ARIH1: variants seen among roughly 807,000 people sequenced by gnomAD.
ARIH1 encodes the protein E3 ubiquitin-protein ligase ARIH1.
In ARIH1, 8 loss-of-function variants were observed where a neutral mutation model predicts 85.0. That is an observed-to-expected ratio of 0.09 (90% CI 0.06 to 0.17). ARIH1 has a LOEUF of 0.17. Among genes scored for constraint, ARIH1 ranks in the 10% least tolerant of loss-of-function variants. The pLI, the probability that ARIH1 is intolerant of heterozygous loss-of-function variation, is 1.00. For missense variants in ARIH1, 311 were observed against 718.1 expected (o/e 0.43, Z 6.48); for synonymous variants, 238 against 253.6 (o/e 0.94, Z 0.59).
intron 7 of ARIH1, among the ~76,000 whole-genome samples, chr15:72,564,787 T>C (rs2064212166): frequency 6.6e-6 from 1 of 152,122 alleles, no homozygotes; most frequent in South Asian, 2.1e-4. Flanking sequence ...TTCTGGTTCA[T>C]AGATGGTGCC....
At chr15:72,501,966 G>A (rs992858310) in intron 1 of ARIH1, among the ~76,000 whole-genome samples, 3 of 152,126 alleles carry the variant, frequency 2.0e-5, no homozygotes, top group African/African-American at 4.8e-5. Flanking sequence ...GGAGTTTCAG[G>A]TAACGATAAA....
Position 72,597,891 on chromosome 15 carries a change from A to G in ARIH1, c.*14599A>G, listed in dbSNP as rs1302325705. ...AGTTCAACTAGGAATAACAACAGCT[A>G]GGGGGTCTCTTCTCTCCTATGAAGG... On this transcript the variant is annotated 3_prime_UTR_variant, in exon 14 of 14. Coordinates refer to ENST00000379887, the MANE Select transcript of ARIH1 (RefSeq NM_005744.5). 1.3e-5 allele frequency: 2 copies of G among 152,244 alleles called. No individual in the cohort carries two copies. Among genetic ancestry groups the G allele is most frequent in the South Asian group, 2.1e-4 (1 of 4,826 alleles). 9.4% of individuals were successfully genotyped at this position (152,244 alleles called of 1,614,324 possible). A position where few individuals can be genotyped will look rare whatever the true frequency, so the allele number is the denominator to read the frequency against.
intron 1 of ARIH1, among the ~76,000 whole-genome samples, chr15:72,505,556 A>C (rs1238905365): frequency 2.6e-5 from 4 of 152,128 alleles, no homozygotes; most frequent in Non-Finnish European, 5.9e-5. Context: ...AAATTCTTAT[A>C]CTTCTATACT....
intron 1 of ARIH1, among the ~76,000 whole-genome samples, chr15:72,496,312 A>G (rs1402461022): frequency 6.6e-6 from 1 of 152,242 alleles, no homozygotes; most frequent in Non-Finnish European, 1.5e-5. Context: ...ATGTGGTGCT[A>G]GCAAACGTTT....
At chr15:72,541,909 A>G (rs1201553582) in intron 2 of ARIH1, among the ~76,000 whole-genome samples, 1 of 152,244 alleles carries the variant, frequency 6.6e-6, no homozygotes, top group Admixed American at 6.5e-5. Context: ...AAAGGACTGC[A>G]GAGTAACAAT....
In ARIH1 at chr15:72,589,964, A is replaced by T. The variant is rs1421051126; in HGVS notation, c.*6672A>T. Reference sequence around the variant, plus strand: ...ATGTGCCACTGCTCCTAGCTCTTCCATCTCAGTCTTATGATGTAGTTACTA... The same window carrying T: ...ATGTGCCACTGCTCCTAGCTCTTCCTTCTCAGTCTTATGATGTAGTTACTA... On this transcript the variant is annotated 3_prime_UTR_variant, in exon 14 of 14. Coordinates refer to ENST00000379887, the MANE Select transcript of ARIH1 (RefSeq NM_005744.5). 1 of 152,082 alleles carries T rather than the reference A, an allele frequency of 6.6e-6. No homozygotes were observed. The highest frequency in any genetic ancestry group is 1.5e-5 in the Non-Finnish European group (1 of 67,994). 9.4% of individuals were successfully genotyped at this position (152,082 alleles called of 1,614,324 possible).
At chr15:72,493,977 A>G (rs1023070889) in intron 1 of ARIH1, among the ~76,000 whole-genome samples, 4 of 152,146 alleles carry the variant, frequency 2.6e-5, no homozygotes, top group Non-Finnish European at 5.9e-5. Context: ...TTTATACCTC[A>G]ACTACGTGGT....
At chr15:72,533,038 A>G (rs2064064826) in intron 2 of ARIH1, among the ~76,000 whole-genome samples, 1 of 152,234 alleles carries the variant, frequency 6.6e-6, no homozygotes, top group South Asian at 2.1e-4. Context: ...CTCCAGTTCA[A>G]TTCAGCATTA....
intron 1 of ARIH1, among the ~76,000 whole-genome samples, chr15:72,508,798 A>T (rs766164822): frequency 1.3e-5 from 2 of 151,174 alleles, no homozygotes; most frequent in Non-Finnish European, 2.9e-5. Flanking sequence ...GGTTCAAGCA[A>T]TTCTCCTGTC....
chr15:72,549,479 G>A (rs2064144159), intron 3 of ARIH1, among the ~76,000 whole-genome samples: 1 of 152,160 alleles, frequency 6.6e-6, no homozygotes, highest in African/African-American at 2.4e-5. Context: ...GTGAGGAAGG[G>A]TGGTCCACCA....
At chr15:72,492,686 GTC>G (rs1374205024) in intron 1 of ARIH1, among the ~76,000 whole-genome samples, 1 of 152,072 alleles carries the variant, frequency 6.6e-6, no homozygotes, top group Admixed American at 6.6e-5. Context: ...TAAAAATGTT[GTC>G]TGTTTTTAAT....
chr15:72,474,504 A>G lies in ARIH1; in HGVS notation c.-136A>G. On this transcript the variant is annotated 5_prime_UTR_variant, in exon 1 of 14. Transcript: ENST00000379887. ...CAAACGCCAACCGCCGCTCCTGGGG[A>G]GGAGCCGCGGCTCGCGGGGCCGGAG... 1 of 1,160,834 alleles carries G rather than the reference A, an allele frequency of 8.6e-7. No homozygotes were observed. Among genetic ancestry groups the G allele is most frequent in the Non-Finnish European group, 1.1e-6 (1 of 870,844 alleles). 71.9% of individuals were successfully genotyped at this position (1,160,834 alleles called of 1,614,324 possible).
At position 72,601,283 on chromosome 15, in the gene ARIH1, T is replaced by G. The variant is rs1008001552; in HGVS notation, c.*17991T>G. On this transcript the variant is annotated 3_prime_UTR_variant, in exon 14 of 14. Transcript: ENST00000379887. ...TCTCTACTCATGAGCTAACATGAGTTTATTAAGTGTTCATTCTGACCATGC... is the reference window on the plus strand; with the variant it reads ...TCTCTACTCATGAGCTAACATGAGTGTATTAAGTGTTCATTCTGACCATGC... 3 of 152,212 alleles carry G rather than the reference T, an allele frequency of 2.0e-5. No homozygotes were observed. The highest frequency in any genetic ancestry group is 4.4e-5 in the Non-Finnish European group (3 of 68,040). 9.4% of individuals were successfully genotyped at this position (152,212 alleles called of 1,614,324 possible). A position where few individuals can be genotyped will look rare whatever the true frequency, so the allele number is the denominator to read the frequency against.
rs1039811843 is a variant in ARIH1 at position 72,474,616 on chromosome 15, C to T, written c.-24C>T. 3.3e-6 allele frequency: 5 copies of T among 1,503,718 alleles called. No homozygotes were observed. Among genetic ancestry groups the T allele is most frequent in the Middle Eastern group, 3.6e-4 (2 of 5,530 alleles). The allele number at this position is 1,503,718 out of a possible 1,614,324, so 93.1% of individuals were successfully genotyped here. On this transcript the variant is annotated 5_prime_UTR_variant, in exon 1 of 14. Transcript: ENST00000379887. ...CCCTCTCCCCGCCTCGGCCAGCGTC[C>T]GCCGGGCCCCCGCGCGTCGCGCCAT...
chr15:72,520,935 C>T lies in ARIH1; in HGVS notation c.443+2801C>T, dbSNP rs1397357922. On this transcript the variant is annotated intron_variant, in intron 2 of 13. Coordinates refer to ENST00000379887, the MANE Select transcript of ARIH1 (RefSeq NM_005744.5). Reference sequence around the variant, plus strand: ...CATGGCTCACTATAGCCTTGACCTCCTGGACTCAAGCAATCCTTCCATTTC... The same window carrying T: ...CATGGCTCACTATAGCCTTGACCTCTTGGACTCAAGCAATCCTTCCATTTC... 3.3e-5 allele frequency among the ~76,000 whole-genome samples: 5 copies of T among 152,172 alleles called. No individual in the cohort carries two copies. In the East Asian group the frequency reaches 9.6e-4, roughly 29 times the overall value.
chr15:72,562,944 C>T (rs904847898), intron 6 of ARIH1, among the ~76,000 whole-genome samples: 3 of 149,056 alleles, frequency 2.0e-5, no homozygotes, highest in Non-Finnish European at 4.4e-5. Context: ...TAGAAGACCA[C>T]AGCAAGTTTT....
chr15:72,559,301 C>T (rs977522575), intron 5 of ARIH1, among the ~76,000 whole-genome samples: 5 of 152,126 alleles, frequency 3.3e-5, no homozygotes, highest in Admixed American at 2.0e-4. Context: ...GAATCTCTCT[C>T]TGTTGCCCAG....
At position 72,583,856 on chromosome 15, in the gene ARIH1, A is replaced by G. The variant is rs1043294309; in HGVS notation, c.*564A>G. 6.6e-6 allele frequency: 1 copy of G among 152,324 alleles called. No individual in the cohort carries two copies. The highest frequency in any genetic ancestry group is 1.5e-5 in the Non-Finnish European group (1 of 68,120). The allele number at this position is 152,324 out of a possible 1,614,324, so 9.4% of individuals were successfully genotyped here. ...AGAGGATTCAACAAACGAAAAACAT[A>G]AAAACTTTGTATATGACTTTTAAAA... On this transcript the variant is annotated 3_prime_UTR_variant, in exon 14 of 14. Transcript: ENST00000379887.
intron 1 of ARIH1, among the ~76,000 whole-genome samples, chr15:72,507,166 G>A (rs1047977104): frequency 6.6e-6 from 1 of 152,066 alleles, no homozygotes; most frequent in Non-Finnish European, 1.5e-5. Flanking sequence ...AGGACTATAG[G>A]CGCACACCAC....
Sources: allele counts gnomAD v4.1 joint callset (sites outside exome capture counted in the v4.1 genomes callset), GRCh38; gene constraint gnomAD v4.1.1; transcripts MANE v1.5; gene names NCBI Gene and HGNC (gene_info 2026-07-23, HGNC 2026-07-21).